Variants in PPME1 observed in about 807,000 individuals in gnomAD.
PPME1 encodes the protein testicular secretory protein Li 39.
In PPME1, 17 loss-of-function variants were observed where a neutral mutation model predicts 56.9. That is an observed-to-expected ratio of 0.30 (90% CI 0.20 to 0.45). The LOEUF is 0.45. Ranked by LOEUF, PPME1 falls within the 20% of genes least tolerant of loss-of-function variation. The probability of loss-of-function intolerance (pLI) is 1.00; values close to 1 mark genes in which losing one functional copy is unlikely to be tolerated. For synonymous variants in PPME1, 122 were observed against 156.2 expected, an observed-to-expected ratio of 0.78 and a Z score of 1.63; for missense variants, 357 against 483.2, an observed-to-expected ratio of 0.74 and a Z score of 2.45.
intron 9 of PPME1, among the ~76,000 whole-genome samples, chr11:74,243,147 C>A (rs572526064): frequency 6.6e-6 from 1 of 152,102 alleles, no homozygotes; most frequent in Non-Finnish European, 1.5e-5. Context: ...TCCCACCCAA[C>A]AACAAGTGGA....
chr11:74,198,468 G>C (rs1858051312), intron 1 of PPME1, among the ~76,000 whole-genome samples: 1 of 151,844 alleles, frequency 6.6e-6, no homozygotes, highest in Non-Finnish European at 1.5e-5. Flanking sequence ...TTTCTTGTTT[G>C]TTTGATTTTT....
intron 3 of PPME1, among the ~76,000 whole-genome samples, chr11:74,206,493 C>A (rs993634940): frequency 6.6e-6 from 1 of 152,012 alleles, no homozygotes; most frequent in Non-Finnish European, 1.5e-5. Flanking sequence ...ATTTAAGGAA[C>A]AATTAAAGGA....
intron 1 of PPME1, among the ~76,000 whole-genome samples, chr11:74,196,885 T>C (rs192891295): frequency 1.3e-5 from 2 of 152,316 alleles, no homozygotes; most frequent in Admixed American, 6.5e-5. Context: ...AGCTGGAAGC[T>C]CCCAAGTGTG....
chr11:74,193,096 T>C (rs1401111080), intron 1 of PPME1, among the ~76,000 whole-genome samples: 2 of 152,276 alleles, frequency 1.3e-5, no homozygotes, highest in Non-Finnish European at 2.9e-5. Flanking sequence ...GTGATGTTAC[T>C]GTGCTGGTTG....
chr11:74,253,557 C>G lies in PPME1; in HGVS notation c.*47C>G. On this transcript the variant is annotated 3_prime_UTR_variant, in exon 14 of 14. Transcript: ENST00000328257. ...TCAACATCGAGCTCTGTTGTAAATA[C>G]GTCGCACCAGAGGCCACTGTGATGC... The G allele has an allele frequency of 8.3e-6, 13 of 1,568,302 alleles. No individual in the cohort carries two copies. The highest frequency in any genetic ancestry group is 1.1e-5 in the Non-Finnish European group (13 of 1,138,414).
chr11:74,238,904 T>A (rs1390361518), intron 8 of PPME1: 1 of 386,498 alleles, frequency 2.6e-6, no homozygotes, highest in East Asian at 4.1e-5. Context: ...GTTGCTCCCT[T>A]TCTATGGGTC....
At chr11:74,209,177 G>A (rs1466641694) in intron 3 of PPME1, among the ~76,000 whole-genome samples, 2 of 152,112 alleles carry the variant, frequency 1.3e-5, no homozygotes, top group African/African-American at 4.8e-5. Flanking sequence ...TGCAATCCTG[G>A]CTCACTGCAA....
intron 2 of PPME1, 29 bp downstream of exon 2, chr11:74,203,850 AG>A: frequency 6.7e-7 from 1 of 1,491,554 alleles, no homozygotes; most frequent in Non-Finnish European, 9.2e-7. Context: ...CTTATTCTTT[AG>A]TGAGCTTATG....
intron 12 of PPME1, 153 bp downstream of exon 12, chr11:74,251,171 C>T: frequency 6.8e-7 from 1 of 1,465,562 alleles, no homozygotes; most frequent in Middle Eastern, 2.2e-4. Flanking sequence ...CAACTTCTCC[C>T]TGGCAGCTGC....
At chr11:74,209,472 A>T (rs1474737632) in intron 3 of PPME1, among the ~76,000 whole-genome samples, 2 of 152,150 alleles carry the variant, frequency 1.3e-5, no homozygotes, top group Admixed American at 1.3e-4. Flanking sequence ...AGGCATGTCA[A>T]AATTAGGGAG....
chr11:74,239,573 C>CTTTTT (rs756708278), intron 9 of PPME1, among the ~76,000 whole-genome samples: 6 of 125,458 alleles, frequency 4.8e-5, no homozygotes, highest in Non-Finnish European at 6.6e-5. Context: ...TCATCCAGAT[C>CTTTTT]TTTTTTTTTT....
chr11:74,191,604 C>T (rs1487113188), intron 1 of PPME1, among the ~76,000 whole-genome samples: 1 of 152,192 alleles, frequency 6.6e-6, no homozygotes, highest in Non-Finnish European at 1.5e-5. Flanking sequence ...GGTTTCAGGG[C>T]CCAAGCCCAG....
intron 1 of PPME1, among the ~76,000 whole-genome samples, chr11:74,202,387 G>T (rs1318602322): frequency 6.6e-6 from 1 of 152,158 alleles, no homozygotes; most frequent in Admixed American, 6.5e-5. Context: ...TCAATGCCTA[G>T]AACAGAGTAG....
At chr11:74,174,181 A>G (rs760943620) in intron 1 of PPME1, among the ~76,000 whole-genome samples, 7 of 152,180 alleles carry the variant, frequency 4.6e-5, no homozygotes, top group Non-Finnish European at 7.4e-5. Context: ...TCTGTATTCT[A>G]TAAGGGAATG....
At chr11:74,229,560 A>G (rs1211934476) in intron 5 of PPME1, among the ~76,000 whole-genome samples, 1 of 152,138 alleles carries the variant, frequency 6.6e-6, no homozygotes, top group Non-Finnish European at 1.5e-5. Context: ...ACACCTTTCT[A>G]GTTTCTCAGA....
At chr11:74,225,320 A>ACCTGT in intron 5 of PPME1, 64 bp downstream of exon 5, 1 of 1,153,790 alleles carries the variant, frequency 8.7e-7, no homozygotes, top group South Asian at 1.6e-5. Context: ...TAGTACTATA[A>ACCTGT]CTTTATCACT....
At chr11:74,201,222 G>A (rs1037340779) in intron 1 of PPME1, among the ~76,000 whole-genome samples, 3 of 151,722 alleles carry the variant, frequency 2.0e-5, no homozygotes, top group Non-Finnish European at 2.9e-5. Context: ...TGATCTGCCC[G>A]CCTCGGCCTC....
chr11:74,253,455 T>C lies in PPME1; in HGVS notation c.1143-37T>C, dbSNP rs185000095. 9.6e-4 allele frequency: 1,532 copies of C among 1,588,202 alleles called. 8 individuals carry two copies. The highest frequency in any genetic ancestry group is 5.6e-3 in the South Asian group (509 of 90,464). ...TAAGCAAGGGAAAGCTATTGATAGTTACATTTGTTTTTCCTTCTCTTTCTG... is the reference window on the plus strand; with the variant it reads ...TAAGCAAGGGAAAGCTATTGATAGTCACATTTGTTTTTCCTTCTCTTTCTG... On this transcript the variant is annotated intron_variant, in intron 13 of 13. Transcript: ENST00000328257.
intron 3 of PPME1, among the ~76,000 whole-genome samples, chr11:74,212,773 A>G (rs1858513951): frequency 6.6e-6 from 1 of 152,068 alleles, no homozygotes; most frequent in Non-Finnish European, 1.5e-5. Flanking sequence ...CCCTGAAGGG[A>G]AGGACCCAGT....
Sources: allele counts gnomAD v4.1 joint callset (sites outside exome capture counted in the v4.1 genomes callset), GRCh38; gene constraint gnomAD v4.1.1; transcripts MANE v1.5; gene names NCBI Gene and HGNC (gene_info 2026-07-23, HGNC 2026-07-21).